Variants in CCDC82 observed in about 807,000 individuals in gnomAD.
The protein encoded by CCDC82 is coiled-coil domain containing 82.
CCDC82 carries 47 observed loss-of-function variants against 60.6 expected under a neutral mutation model. The ratio of observed to expected loss-of-function variants is 0.77; its 90% CI spans 0.61 to 0.99. The LOEUF (loss-of-function observed/expected upper bound fraction) is 0.99, where lower values mean the gene tolerates loss of function less well. CCDC82 is among the 50% of genes least tolerant of loss of function. The pLI is 0.00. For synonymous variants in CCDC82, 212 were observed against 207.4 expected (o/e 1.02, Z -0.19); for missense variants, 588 against 633.0 (o/e 0.93, Z 0.76).
At chr11:96,376,387 C>A (rs186553080) in intron 5 of CCDC82, among the ~76,000 whole-genome samples, 9 of 128,300 alleles carry the variant, frequency 7.0e-5, no homozygotes, top group African/African-American at 2.7e-4. Context: ...TGTTCTGTTT[C>A]ACAGTAAAGT....
chr11:96,356,417 C>T (rs1864352378), intron 9 of CCDC82: 3 of 983,996 alleles, frequency 3.0e-6, no homozygotes, highest in Admixed American at 6.2e-5. Flanking sequence ...GTTTTACACA[C>T]AGTATTTACA....
intron 3 of CCDC82, chr11:96,385,103 G>A (rs549956371): frequency 6.0e-6 from 1 of 166,394 alleles, no homozygotes; most frequent in Admixed American, 6.1e-5. Flanking sequence ...GTAATATTTA[G>A]TATCAAATGA....
At chr11:96,367,863 C>T (rs1473921237) in intron 7 of CCDC82, among the ~76,000 whole-genome samples, 1 of 145,880 alleles carries the variant, frequency 6.9e-6, no homozygotes, top group African/African-American at 2.5e-5. Context: ...GCTGTGTCAC[C>T]CAGACTGAGT....
chr11:96,357,079 A>C lies in CCDC82; in HGVS notation c.1566+1914T>G, dbSNP rs1414743996. 3.0e-6 allele frequency: 3 copies of C among 985,370 alleles called. No homozygotes were observed. In the African/African-American group the frequency reaches 5.2e-5, roughly 17 times the overall value. 61.0% of individuals were successfully genotyped at this position (985,370 alleles called of 1,614,324 possible). On this transcript the variant is annotated intron_variant, in intron 9 of 9. Transcript: ENST00000646818. ...ACCAGACTGTAGCTAAAGGCAGCACACATCACAAAGTACATGCAGTGCTAT... is the reference window on the plus strand; with the variant it reads ...ACCAGACTGTAGCTAAAGGCAGCACCCATCACAAAGTACATGCAGTGCTAT...
intron 1 of CCDC82, chr11:96,389,363 AC>A: frequency 6.6e-6 from 1 of 152,024 alleles, no homozygotes. Context: ...ATGATTACAA[AC>A]CTCTTTGGCG....
Position 96,383,268 on chromosome 11 carries a change from C to A in CCDC82, c.991+1G>T. Reference sequence around the variant, plus strand: ...AAACATTTTCTTAATATTGAACTTACAAAGAGAATTCTGTTTTACTAATTT... The same window carrying A: ...AAACATTTTCTTAATATTGAACTTAAAAAGAGAATTCTGTTTTACTAATTT... On this transcript the variant is annotated splice_donor_variant, in intron 5 of 9. Coordinates refer to ENST00000646818, the MANE Select transcript of CCDC82 (RefSeq NM_024725.4). LOFTEE classifies it high-confidence loss of function. The A allele has an allele frequency of 6.8e-7, 1 of 1,480,978 alleles. No individual in the cohort carries two copies. The highest frequency in any genetic ancestry group is 9.4e-7 in the Non-Finnish European group (1 of 1,060,350). 91.7% of individuals were successfully genotyped at this position (1,480,978 alleles called of 1,614,324 possible).
intron 8 of CCDC82, chr11:96,364,139 T>A (rs1864821862): frequency 6.6e-6 from 1 of 152,134 alleles, no homozygotes; most frequent in East Asian, 1.9e-4. Context: ...GTCCCTAATG[T>A]ACGAAATCAC....
At chr11:96,383,193 A>G in intron 5 of CCDC82, 76 bp downstream of exon 5, 2 of 871,018 alleles carry the variant, frequency 2.3e-6, no homozygotes, top group Non-Finnish European at 3.8e-6. Context: ...AGAACATGAT[A>G]TTAAAAGGCT....
chr11:96,383,014 A>G (rs1165465586), intron 5 of CCDC82: 3 of 342,382 alleles, frequency 8.8e-6, no homozygotes. Context: ...TAAATTTCTG[A>G]GTTTTGATTT....
chr11:96,384,728 T>A lies in CCDC82; in HGVS notation c.20A>T (p.His7Leu). The change falls in exon 4 of 10, where the codon CAT becomes CTT. Residue 7 changes from histidine (H) to leucine (L), a missense_variant. Physicochemically the swap from His to Leu is moderately conservative, Grantham distance 99. Transcript: ENST00000646818. MIHVRR[H>L]ETRRNSKSHV... ...ACTCTTAGAATTTCTCCTTGTTTCATGTCTTCTAACATGTATCATTTTCAC... is the reference window on the plus strand; with the variant it reads ...ACTCTTAGAATTTCTCCTTGTTTCAAGTCTTCTAACATGTATCATTTTCAC... 2 of 1,607,040 alleles carry A rather than the reference T, an allele frequency of 1.2e-6. No homozygotes were observed. The highest frequency in any genetic ancestry group is 1.7e-6 in the Non-Finnish European group (2 of 1,177,454).
At chr11:96,378,381 G>A (rs1865699205) in intron 5 of CCDC82, among the ~76,000 whole-genome samples, 1 of 151,722 alleles carries the variant, frequency 6.6e-6, no homozygotes, top group Non-Finnish European at 1.5e-5. Context: ...TTCTTCCTCT[G>A]AGTCTACCTT....
At chr11:96,355,264 T>C (rs1371638691) in intron 9 of CCDC82, 2 of 152,180 alleles carry the variant, frequency 1.3e-5, no homozygotes, top group Non-Finnish European at 2.9e-5. Context: ...CTCACTATCT[T>C]GCTCAGGCTG....
intron 8 of CCDC82, chr11:96,364,430 A>G (rs1489108362): frequency 2.6e-5 from 4 of 152,114 alleles, no homozygotes; most frequent in African/African-American, 9.7e-5. Context: ...GATAAATATT[A>G]TATTTCCATC....
chr11:96,379,978 A>G (rs1449119884), intron 5 of CCDC82, among the ~76,000 whole-genome samples: 1 of 151,796 alleles, frequency 6.6e-6, no homozygotes, highest in East Asian at 1.9e-4. Flanking sequence ...TAATAGAGGA[A>G]AGGAATATTA....
At chr11:96,388,892 C>G (rs768118625) in intron 1 of CCDC82, 1 of 152,116 alleles carries the variant, frequency 6.6e-6, no homozygotes, top group East Asian at 1.9e-4. Context: ...TGAATATCTA[C>G]CAAAATGCAA....
intron 5 of CCDC82, chr11:96,383,067 G>A: frequency 3.8e-6 from 2 of 527,082 alleles, no homozygotes; most frequent in African/African-American, 3.9e-5. Flanking sequence ...TTGAAGTAAA[G>A]GCGTGTTGGG....
intron 9 of CCDC82, chr11:96,357,122 T>A (rs987441793): frequency 1.0e-6 from 1 of 985,314 alleles, no homozygotes; most frequent in African/African-American, 1.7e-5. Flanking sequence ...AGGCACACAG[T>A]GAGAGGGACA....
chr11:96,378,797 C>G (rs1466586763), intron 5 of CCDC82, among the ~76,000 whole-genome samples: 1 of 151,920 alleles, frequency 6.6e-6, no homozygotes, highest in African/African-American at 2.4e-5. Context: ...TCCCTCTACT[C>G]CCTACCATAT....
chr11:96,359,104 T>C lies in CCDC82; in HGVS notation c.1455A>G (p.Leu485=). The C allele has an allele frequency of 1.2e-6, 2 of 1,604,932 alleles. No individual in the cohort carries two copies. The highest frequency in any genetic ancestry group is 2.2e-5 in the East Asian group (1 of 44,546). ...YHKLKHFKFK[L]YQECCTIAMT... ...TTGCAATGGTGCAACATTCCTGGTA[T>C]AGTTTGAATTTAAAATGTTTCAGTT... Residue 485 remains leucine, a synonymous_variant, in exon 9 of 10, where the codon CTA becomes CTG. Coordinates refer to ENST00000646818, the MANE Select transcript of CCDC82 (RefSeq NM_024725.4).
Sources: gnomAD v4.1 joint callset for allele counts (sites outside exome capture counted in the v4.1 genomes callset) on GRCh38, gnomAD v4.1.1 for gene constraint, MANE v1.5 for transcripts, NCBI Gene and HGNC (gene_info 2026-07-23, HGNC 2026-07-21) for gene names.